PARD3B: variants seen among roughly 807,000 people sequenced by gnomAD.
PARD3B encodes par-3 family cell polarity regulator beta.
A neutral mutation model predicts 130.2 loss-of-function variants in PARD3B; 103 were observed. The ratio of observed to expected loss-of-function variants is 0.79; its 90% CI spans 0.67 to 0.93. The LOEUF (loss-of-function observed/expected upper bound fraction) is 0.93, where lower values mean the gene tolerates loss of function less well. Among genes scored for constraint, PARD3B ranks in the 40% least tolerant of loss-of-function variants. PARD3B has a pLI of 0.00. For missense variants in PARD3B, 1,609 were observed against 1,499.2 expected, an observed-to-expected ratio of 1.07 and a Z score of -1.21; for synonymous variants, 583 against 553.2, an observed-to-expected ratio of 1.05 and a Z score of -0.76.
intron 1 of PARD3B, among the ~76,000 whole-genome samples, chr2:204,605,576 C>T (rs750896118): frequency 1.4e-4 from 22 of 152,076 alleles, no homozygotes; most frequent in Admixed American, 5.2e-4. Context: ...ACTGTTTAGA[C>T]GGTCTAAGGT....
rs1348828113 is a variant in PARD3B at position 205,463,431 on chromosome 2, A to T, written c.3044+22759A>T. Among the ~76,000 whole-genome samples the T allele has an allele frequency of 7.0e-6, 1 of 141,976 alleles. No homozygotes were observed. Among genetic ancestry groups the T allele is most frequent in the Non-Finnish European group, 1.5e-5 (1 of 66,798 alleles). 93.1% of individuals were successfully genotyped at this position (141,976 alleles called of 152,430 possible). ...TAGTGTTAACATTTCACTGCACATTAATTCTTTAAAAAAAAAAAAAAAAAA... is the reference window on the plus strand; with the variant it reads ...TAGTGTTAACATTTCACTGCACATTTATTCTTTAAAAAAAAAAAAAAAAAA... On this transcript the variant is annotated intron_variant, in intron 20 of 22. Transcript: ENST00000406610. This position sits in a 1 kb window ranked among gnomAD's most constrained non-coding sequence, Gnocchi z 4.8.
chr2:205,375,028 T>C (rs1313702123), intron 18 of PARD3B, among the ~76,000 whole-genome samples: 1 of 152,192 alleles, frequency 6.6e-6, no homozygotes, highest in Non-Finnish European at 1.5e-5. Context: ...ACATAAATAA[T>C]AAATTTTAAC....
At chr2:204,615,551 G>T (rs573633863) in intron 1 of PARD3B, among the ~76,000 whole-genome samples, 2 of 152,150 alleles carry the variant, frequency 1.3e-5, no homozygotes, top group African/African-American at 4.8e-5. Context: ...GTCAAGCTCA[G>T]TGTGGTGTAT....
At chr2:205,036,216 AAT>A (rs978049578) in intron 3 of PARD3B, among the ~76,000 whole-genome samples, 2 of 143,844 alleles carry the variant, frequency 1.4e-5, no homozygotes, top group Non-Finnish European at 3.0e-5. Flanking sequence ...ATATATATAA[AAT>A]ATGTATATAG....
intron 21 of PARD3B, among the ~76,000 whole-genome samples, chr2:205,511,742 A>G (rs764491360): frequency 6.6e-6 from 1 of 152,234 alleles, no homozygotes. Flanking sequence ...AGATATGAAT[A>G]TCTATCTAAC....
chr2:204,853,193 G>T (rs1315844719), intron 2 of PARD3B, among the ~76,000 whole-genome samples: 1 of 151,934 alleles, frequency 6.6e-6, no homozygotes, highest in African/African-American at 2.4e-5. Context: ...GCTCCGATTT[G>T]ATAAACATAT....
At chr2:205,106,839 GA>G (rs1360755344) in intron 5 of PARD3B, among the ~76,000 whole-genome samples, 1 of 152,160 alleles carries the variant, frequency 6.6e-6, no homozygotes, top group African/African-American at 2.4e-5. Context: ...CCTGGAGTGG[GA>G]AAAGGATGAT....
intron 15 of PARD3B, among the ~76,000 whole-genome samples, chr2:205,206,251 A>G (rs573323637): frequency 4.3e-5 from 6 of 140,304 alleles, no homozygotes; most frequent in African/African-American, 1.6e-4. Flanking sequence ...GTTTTAGGGT[A>G]CATGTGCACA....
chr2:204,625,665 T>C (rs1222932922), intron 1 of PARD3B, among the ~76,000 whole-genome samples: 1 of 152,214 alleles, frequency 6.6e-6, no homozygotes, highest in African/African-American at 2.4e-5. Flanking sequence ...GGTATATTTA[T>C]AACACATGCC....
chr2:205,434,772 C>T (rs2047452217), intron 19 of PARD3B, among the ~76,000 whole-genome samples: 1 of 152,046 alleles, frequency 6.6e-6, no homozygotes, highest in Non-Finnish European at 1.5e-5. Flanking sequence ...ACAAAGGGAT[C>T]ATGAGAAATC....
At chr2:205,089,997 G>C (rs1485571341) in intron 4 of PARD3B, among the ~76,000 whole-genome samples, 2 of 152,298 alleles carry the variant, frequency 1.3e-5, no homozygotes, top group Middle Eastern at 3.4e-3. Flanking sequence ...CAAGTGAAGA[G>C]GTGATTTGCT....
chr2:204,855,271 G>C (rs937214361), intron 2 of PARD3B, among the ~76,000 whole-genome samples: 32 of 152,132 alleles, frequency 2.1e-4, no homozygotes, highest in African/African-American at 7.7e-4. Flanking sequence ...TCTGCCGGGC[G>C]TGGTGGCTCA....
intron 19 of PARD3B, among the ~76,000 whole-genome samples, chr2:205,434,044 A>G (rs908427226): frequency 3.1e-4 from 47 of 152,326 alleles, no homozygotes; most frequent in South Asian, 2.1e-4. Context: ...GGGTCCTAAC[A>G]TCAGTGAAAG....
intron 1 of PARD3B, among the ~76,000 whole-genome samples, chr2:204,629,721 A>G (rs2034614615): frequency 6.6e-6 from 1 of 152,120 alleles, no homozygotes. Flanking sequence ...ATATCTTTAT[A>G]ATTTCAGTGC....
chr2:204,764,292 A>T (rs1245844026), intron 2 of PARD3B, among the ~76,000 whole-genome samples: 2 of 151,986 alleles, frequency 1.3e-5, no homozygotes, highest in Non-Finnish European at 2.9e-5. Context: ...CTCCATAGTT[A>T]CTCCATACTG....
At chr2:205,406,164 A>G (rs2046410533) in intron 19 of PARD3B, among the ~76,000 whole-genome samples, 1 of 152,180 alleles carries the variant, frequency 6.6e-6, no homozygotes, top group Admixed American at 6.5e-5. Flanking sequence ...AAGAACTGTC[A>G]CATAGAGATT....
chr2:205,373,312 G>A (rs1282573397), intron 18 of PARD3B, among the ~76,000 whole-genome samples: 3 of 152,200 alleles, frequency 2.0e-5, no homozygotes, highest in Non-Finnish European at 4.4e-5. Flanking sequence ...GATCCTAGGT[G>A]TAGTCACTCC....
At chr2:204,805,747 G>A (rs772120181) in intron 2 of PARD3B, among the ~76,000 whole-genome samples, 10 of 152,080 alleles carry the variant, frequency 6.6e-5, no homozygotes, top group Non-Finnish European at 1.0e-4. Context: ...TGCAAGGCAA[G>A]GGTGGTTCAC....
intron 16 of PARD3B, among the ~76,000 whole-genome samples, chr2:205,249,432 C>T (rs2039742156): frequency 6.6e-6 from 1 of 152,082 alleles, no homozygotes. Context: ...CAAGTTCCAT[C>T]TGTTGGTCTG....
Sources: gnomAD v4.1 joint callset for allele counts (sites outside exome capture counted in the v4.1 genomes callset) on GRCh38, gnomAD v4.1.1 for gene constraint, Gnocchi (gnomAD v3.1) non-coding constraint, MANE v1.5 for transcripts, NCBI Gene and HGNC (gene_info 2026-07-23, HGNC 2026-07-21) for gene names.